The following SLC39A11 variants were observed in gnomAD, a reference collection of about 807,000 sequenced individuals.
SLC39A11 encodes the protein solute carrier family 39 member 11.
Under a neutral mutation model 36.1 loss-of-function variants are expected in SLC39A11, and 33 were observed. That is an observed-to-expected ratio of 0.91 (90% CI 0.69 to 1.22). The LOEUF (loss-of-function observed/expected upper bound fraction) is 1.22. SLC39A11 is among the 50% of genes most tolerant of loss of function. The probability of loss-of-function intolerance (pLI) is 0.00; values close to 1 mark genes in which losing one functional copy is unlikely to be tolerated. For missense variants in SLC39A11, 432 were observed against 430.3 expected, an observed-to-expected ratio of 1.00 and a Z score of -0.03; for synonymous variants, 166 against 170.3, an observed-to-expected ratio of 0.97 and a Z score of 0.20.
At chr17:72,656,216 G>C (rs1200832501) in intron 7 of SLC39A11, among the ~76,000 whole-genome samples, 2 of 152,178 alleles carry the variant, frequency 1.3e-5, no homozygotes, top group Non-Finnish European at 2.9e-5. Context: ...AGACAGTGAA[G>C]CTGCTGTCTT....
intron 5 of SLC39A11, among the ~76,000 whole-genome samples, chr17:72,877,645 T>G (rs952746744): frequency 1.3e-5 from 2 of 152,148 alleles, no homozygotes; most frequent in Non-Finnish European, 2.9e-5. Context: ...TGAAAGGGCT[T>G]TCTCTAGCTG....
At chr17:72,959,857 G>A (rs2086499263) in intron 4 of SLC39A11, among the ~76,000 whole-genome samples, 1 of 152,154 alleles carries the variant, frequency 6.6e-6, no homozygotes, top group African/African-American at 2.4e-5. Flanking sequence ...GTGTACCTCT[G>A]TACATGGACA....
chr17:73,013,019 G>A (rs768606068), intron 4 of SLC39A11, among the ~76,000 whole-genome samples: 14 of 152,162 alleles, frequency 9.2e-5, no homozygotes, highest in Middle Eastern at 3.4e-3. Flanking sequence ...GGCTGGTCTC[G>A]AACTCCTGAC....
At chr17:72,706,413 CT>C (rs1182566899) in intron 7 of SLC39A11, among the ~76,000 whole-genome samples, 2 of 152,128 alleles carry the variant, frequency 1.3e-5, no homozygotes, top group Non-Finnish European at 2.9e-5. Flanking sequence ...CCTTCCTTCC[CT>C]TTGGAAACTC....
intron 4 of SLC39A11, among the ~76,000 whole-genome samples, chr17:72,989,952 G>A (rs8073204): frequency 0.53 from 80,367 of 152,006 alleles, 21,807 homozygotes; most frequent in Middle Eastern, 0.7. Flanking sequence ...TTATTCTTTC[G>A]ATGAGACGTC....
chr17:73,006,964 T>C (rs968735316), intron 4 of SLC39A11, among the ~76,000 whole-genome samples: 9 of 152,054 alleles, frequency 5.9e-5, no homozygotes, highest in African/African-American at 1.7e-4. Flanking sequence ...AGCAAATCAG[T>C]TTCAGGGCCC....
At chr17:72,902,233 T>C (rs1273511123) in intron 5 of SLC39A11, among the ~76,000 whole-genome samples, 1 of 150,772 alleles carries the variant, frequency 6.6e-6, no homozygotes, top group African/African-American at 2.4e-5. Context: ...ATCATGCCAT[T>C]GCACTCCAGC....
intron 7 of SLC39A11, among the ~76,000 whole-genome samples, chr17:72,709,949 C>T (rs1303519420): frequency 6.6e-6 from 1 of 152,170 alleles, no homozygotes; most frequent in East Asian, 1.9e-4. Flanking sequence ...TTATTTTCCC[C>T]TCAGGTTCCA....
At chr17:72,941,442 G>A (rs1024190240) in intron 5 of SLC39A11, among the ~76,000 whole-genome samples, 2 of 152,194 alleles carry the variant, frequency 1.3e-5, no homozygotes, top group African/African-American at 4.8e-5. Flanking sequence ...CCGGTTTGTG[G>A]TATTTTGCTA....
At chr17:72,879,303 C>T (rs541872443) in intron 5 of SLC39A11, among the ~76,000 whole-genome samples, 1 of 152,302 alleles carries the variant, frequency 6.6e-6, no homozygotes, top group Admixed American at 6.5e-5. Context: ...TCTTCACCAG[C>T]CTCCATCCTG....
chr17:72,949,154 T>A (rs2085671780), intron 4 of SLC39A11, among the ~76,000 whole-genome samples: 1 of 99,784 alleles, frequency 1.0e-5, no homozygotes, highest in African/African-American at 5.8e-5. Flanking sequence ...CTTTTTTTTT[T>A]TTTTTTTTTT....
intron 3 of SLC39A11, among the ~76,000 whole-genome samples, chr17:73,041,799 G>A (rs1380653646): frequency 1.3e-5 from 2 of 152,226 alleles, no homozygotes; most frequent in Non-Finnish European, 2.9e-5. Flanking sequence ...GAAAGGGACT[G>A]GAGAAAACAT....
chr17:72,782,433 A>T (rs1440009770), intron 6 of SLC39A11, among the ~76,000 whole-genome samples: 1 of 152,072 alleles, frequency 6.6e-6, no homozygotes, highest in Non-Finnish European at 1.5e-5. Flanking sequence ...CGGGAAACTG[A>T]TTCACTAGCC....
chr17:72,724,849 T>C (rs561005792), intron 7 of SLC39A11, among the ~76,000 whole-genome samples: 1 of 151,980 alleles, frequency 6.6e-6, no homozygotes, highest in African/African-American at 2.4e-5. Flanking sequence ...TTCAAAGTCA[T>C]GTCCAGCCCA....
rs188820055 is a variant in SLC39A11 at position 72,778,734 on chromosome 17, G to A, written c.602-42015C>T. Among the ~76,000 whole-genome samples the A allele has an allele frequency of 6.6e-3, 1,010 of 152,300 alleles. 8 individuals are homozygous for A. Among genetic ancestry groups the A allele is most frequent in the Non-Finnish European group, 9.4e-3 (641 of 68,024 alleles). On this transcript the variant is annotated intron_variant, in intron 6 of 9. Coordinates refer to ENST00000255559, the MANE Select transcript of SLC39A11 (RefSeq NM_139177.4). The stretch of plus-strand genomic sequence containing the variant: ...ATGTCTGATTCACTGTCATCACGGC[G>A]TCTGCTTTGCTATCTCTTAGTTGTC...
chr17:72,842,099 T>TGTGTGTGTGC (rs1218621892), intron 6 of SLC39A11, among the ~76,000 whole-genome samples: 1 of 151,576 alleles, frequency 6.6e-6, no homozygotes, highest in Non-Finnish European at 1.5e-5. Context: ...TGTGTGTGTG[T>TGTGTGTGTGC]GTGCACGCAC....
intron 5 of SLC39A11, among the ~76,000 whole-genome samples, chr17:72,900,197 GA>G (rs1277532961): frequency 1.4e-5 from 2 of 145,908 alleles, no homozygotes; most frequent in Admixed American, 6.8e-5. Context: ...AAGAAAGAAA[GA>G]AAGAAAGAAA....
intron 6 of SLC39A11, chr17:72,838,096 C>T: frequency 1.9e-6 from 1 of 527,958 alleles, no homozygotes; most frequent in Non-Finnish European, 2.9e-6. Flanking sequence ...CCACCCTGGC[C>T]AACACAGCAA....
At chr17:73,017,049 T>C (rs535724692) in intron 4 of SLC39A11, among the ~76,000 whole-genome samples, 2 of 152,288 alleles carry the variant, frequency 1.3e-5, no homozygotes, top group South Asian at 2.1e-4. Flanking sequence ...GAAACACACA[T>C]AGCTTCTTCT....
Sources: gnomAD v4.1 joint callset for allele counts (sites outside exome capture counted in the v4.1 genomes callset) on GRCh38, gnomAD v4.1.1 for gene constraint, MANE v1.5 for transcripts, NCBI Gene and HGNC (gene_info 2026-07-23, HGNC 2026-07-21) for gene names.